The following ANK1 variants were observed in gnomAD, a reference collection of about 807,000 sequenced individuals.
The protein encoded by ANK1 is ankyrin-1.
In ANK1, 51 loss-of-function variants were observed where a neutral mutation model predicts 210.4. The ratio of observed to expected loss-of-function variants is 0.24; its 90% CI spans 0.19 to 0.31. The LOEUF (loss-of-function observed/expected upper bound fraction) is 0.31. Among genes scored for constraint, ANK1 ranks in the 10% least tolerant of loss-of-function variants. The pLI, the probability that ANK1 is intolerant of heterozygous loss-of-function variation, is 1.00. For synonymous variants in ANK1, 967 were observed against 1,025.9 expected (o/e 0.94, Z 1.10); for missense variants, 2,051 against 2,504.4 (o/e 0.82, Z 3.86).
intron 1 of ANK1, among the ~76,000 whole-genome samples, chr8:41,771,908 T>C (rs1843039590): frequency 6.6e-6 from 1 of 152,200 alleles, no homozygotes; most frequent in South Asian, 2.1e-4. Context: ...TGCAGGGATT[T>C]CACGAGCTGG....
intron 5 of ANK1, 105 bp downstream of exon 5, chr8:41,727,145 T>C: frequency 3.5e-6 from 3 of 846,054 alleles, no homozygotes; most frequent in Non-Finnish European, 6.1e-6. Flanking sequence ...TCATCCATCA[T>C]GACATGGATG....
At position 41,672,582 on chromosome 8, in the gene ANK1, T is replaced by C. The variant is rs1352456855; in HGVS notation, c.4868A>G (p.Asp1623Gly). Residue 1623 changes from aspartate to glycine, a missense_variant, in exon 38 of 43, where the codon GAC becomes GGC. Transcript: ENST00000289734. ...PELGSLELVE[D>G]DTVDSDATNG... ...TGTGGCATCTGAATCCACTGTGTCG[T>C]CCTCCACAAGTTCCAGAGAGCCCAA... 6.2e-7 allele frequency: 1 copy of C among 1,614,184 alleles called. No individual in the cohort carries two copies. Among genetic ancestry groups the C allele is most frequent in the Admixed American group, 1.7e-5 (1 of 60,024 alleles).
At chr8:41,827,242 C>T (rs1805542054) in intron 1 of ANK1, among the ~76,000 whole-genome samples, 1 of 152,212 alleles carries the variant, frequency 6.6e-6, no homozygotes, top group Non-Finnish European at 1.5e-5. Flanking sequence ...AATAAATACC[C>T]ATCTAATGGT....
intron 1 of ANK1, among the ~76,000 whole-genome samples, chr8:41,761,621 G>C: frequency 6.6e-6 from 1 of 152,180 alleles, no homozygotes; most frequent in East Asian, 1.9e-4. Flanking sequence ...GCCACTAAGT[G>C]TGTGGCGATT....
chr8:41,718,999 A>G (rs1392663586), intron 10 of ANK1, among the ~76,000 whole-genome samples: 1 of 152,220 alleles, frequency 6.6e-6, no homozygotes, highest in Non-Finnish European at 1.5e-5. Context: ...GAATGAGTGA[A>G]TGAATGAGCC....
At chr8:41,802,181 G>A (rs909604563), upstream of ANK1, among the ~76,000 whole-genome samples, 1 of 151,988 alleles carries the variant, frequency 6.6e-6, no homozygotes, top group Non-Finnish European at 1.5e-5. Flanking sequence ...GTAGAGACAG[G>A]GTGTCACCAC....
chr8:41,741,871 T>A (rs556061758), intron 2 of ANK1, among the ~76,000 whole-genome samples: 1 of 152,334 alleles, frequency 6.6e-6, no homozygotes, highest in South Asian at 2.1e-4. Context: ...GCTGTCCCCA[T>A]ATGATCTCTT....
intron 37 of ANK1, among the ~76,000 whole-genome samples, chr8:41,676,057 C>T (rs1448114800): frequency 6.6e-6 from 1 of 152,204 alleles, no homozygotes; most frequent in Non-Finnish European, 1.5e-5. Flanking sequence ...GTGGCTATTA[C>T]AAGTAAAGAT....
chr8:41,808,207 C>T (rs1851249235), intron 1 of ANK1, among the ~76,000 whole-genome samples: 1 of 152,212 alleles, frequency 6.6e-6, no homozygotes, highest in South Asian at 2.1e-4. Context: ...CCATTGCAGA[C>T]CCACCATGCA....
intron 1 of ANK1, among the ~76,000 whole-genome samples, chr8:41,878,549 C>G (rs1036543965): frequency 1.6e-4 from 25 of 152,346 alleles, no homozygotes; most frequent in African/African-American, 5.1e-4. Context: ...TAGAAAAATA[C>G]AAGTGCTAGC....
At chr8:41,791,186 C>T (rs1847598249) in intron 1 of ANK1, among the ~76,000 whole-genome samples, 2 of 139,072 alleles carry the variant, frequency 1.4e-5, no homozygotes, top group Admixed American at 7.3e-5. Context: ...TTTCTCAGTA[C>T]TAACTTTGTT....
At chr8:41,717,084 A>G (rs756452190) in intron 12 of ANK1, 33 bp from the exon 13 acceptor site, 1 of 1,609,322 alleles carries the variant, frequency 6.2e-7, no homozygotes, top group Non-Finnish European at 8.5e-7. Flanking sequence ...AACTGTTCAT[A>G]CATGCCTGCT....
At chr8:41,706,878 C>T (rs1014582786) in intron 17 of ANK1, among the ~76,000 whole-genome samples, 2 of 152,222 alleles carry the variant, frequency 1.3e-5, no homozygotes, top group African/African-American at 4.8e-5. Context: ...GCAGGTGGAT[C>T]ACCTGAGGTC....
At position 41,874,525 on chromosome 8, in the gene ANK1, G is replaced by A. The variant is rs557911110; in HGVS notation, c.126+21830C>T. Among the ~76,000 whole-genome samples, 9 of 152,312 alleles carry A rather than the reference G, an allele frequency of 5.9e-5. No homozygotes were observed. The East Asian group carries it at 9.6e-4, about 16-fold the overall frequency. ...CCGCCCCGCAGGCCCTGCAATGACA[G>A]GTAAGCATCCACTTCTTTCAGAGTG... On this transcript the variant is annotated intron_variant, in intron 1 of 42. Coordinates refer to the ANK1 transcript ENST00000265709.
At chr8:41,873,489 C>G (rs1296796732) in intron 1 of ANK1, among the ~76,000 whole-genome samples, 1 of 152,200 alleles carries the variant, frequency 6.6e-6, no homozygotes, top group Non-Finnish European at 1.5e-5. Flanking sequence ...CCCCATTTTG[C>G]AGACAAGAAA....
chr8:41,785,805 AT>A (rs1185887417), intron 1 of ANK1, among the ~76,000 whole-genome samples: 7 of 152,214 alleles, frequency 4.6e-5, no homozygotes, highest in Non-Finnish European at 7.4e-5. Context: ...AGAGCCGTCC[AT>A]TGCTCCTCGG....
At chr8:41,664,866 C>G in intron 39 of ANK1, 1 of 1,613,754 alleles carries the variant, frequency 6.2e-7, no homozygotes, top group Non-Finnish European at 8.5e-7. Context: ...GTCACTGAGG[C>G]CCTCGCTCTC....
At chr8:41,756,307 G>A (rs942784616) in intron 2 of ANK1, among the ~76,000 whole-genome samples, 3 of 151,216 alleles carry the variant, frequency 2.0e-5, no homozygotes, top group African/African-American at 4.9e-5. Flanking sequence ...CACCATGCCC[G>A]GCTAATTTTA....
intron 1 of ANK1, among the ~76,000 whole-genome samples, chr8:41,847,789 G>A (rs911392119): frequency 2.6e-5 from 4 of 152,188 alleles, no homozygotes; most frequent in Non-Finnish European, 5.9e-5. Context: ...CTGGCAGTGT[G>A]ATGTGTGTCC....
Sources: allele counts gnomAD v4.1 joint callset (sites outside exome capture counted in the v4.1 genomes callset), GRCh38; gene constraint gnomAD v4.1.1; transcripts MANE v1.5; gene names NCBI Gene and HGNC (gene_info 2026-07-23, HGNC 2026-07-21).